LRSAM1: variants seen among roughly 807,000 people sequenced by gnomAD.
LRSAM1 encodes the protein leucine rich repeat and sterile alpha motif containing 1, also known as E3 ubiquitin-protein ligase LRSAM1.
LRSAM1 carries 96 observed loss-of-function variants against 118.1 expected under a neutral mutation model. The ratio of observed to expected loss-of-function variants is 0.81; its 90% CI spans 0.69 to 0.96. LRSAM1 has a LOEUF of 0.96. Among genes scored for constraint, LRSAM1 ranks in the 40% least tolerant of loss-of-function variants. The pLI, the probability that LRSAM1 is intolerant of heterozygous loss-of-function variation, is 0.00. For missense variants in LRSAM1, 804 were observed against 915.5 expected (o/e 0.88, Z 1.57); for synonymous variants, 322 against 364.2 (o/e 0.88, Z 1.32).
At chr9:127,460,858 T>TTTC (rs1834711975) in intron 7 of LRSAM1, among the ~76,000 whole-genome samples, 1 of 127,260 alleles carries the variant, frequency 7.9e-6, no homozygotes, top group Non-Finnish European at 1.6e-5. Context: ...TTTTTTTTTT[T>TTTC]TTTTTTTTTT....
intron 11 of LRSAM1, among the ~76,000 whole-genome samples, chr9:127,476,831 C>T (rs1377989954): frequency 1.3e-5 from 2 of 152,016 alleles, no homozygotes; most frequent in South Asian, 2.1e-4. Flanking sequence ...CCTGCCACCA[C>T]GCCTGGCTAA....
At chr9:127,480,339 G>C (rs541963437) in intron 14 of LRSAM1, among the ~76,000 whole-genome samples, 1 of 152,326 alleles carries the variant, frequency 6.6e-6, no homozygotes, top group South Asian at 2.1e-4. Context: ...ACTGAGGTCA[G>C]CTGTTCACCT....
In LRSAM1 at chr9:127,458,367, C is replaced by T. The variant is rs551417285; in HGVS notation, c.253-636C>T. 1.9e-3 allele frequency among the ~76,000 whole-genome samples: 281 copies of T among 147,438 alleles called. 1 individual carries two copies. Among genetic ancestry groups the T allele is most frequent in the Admixed American group, 4.6e-3 (67 of 14,650 alleles). ...ACTGCAGTCCGCAGTCCGGCGTGGGCGACAGAGCGAGACTTCGTCTCAAAA... is the reference window on the plus strand; with the variant it reads ...ACTGCAGTCCGCAGTCCGGCGTGGGTGACAGAGCGAGACTTCGTCTCAAAA... On this transcript the variant is annotated intron_variant, in intron 6 of 25. Transcript: ENST00000300417.
chr9:127,484,968 C>T (rs760713185), intron 16 of LRSAM1, among the ~76,000 whole-genome samples: 2 of 151,878 alleles, frequency 1.3e-5, no homozygotes, highest in African/African-American at 2.4e-5. Flanking sequence ...CCACCATGCC[C>T]GGCTAATTTT....
At chr9:127,458,803 T>C (rs1344214927) in intron 6 of LRSAM1, among the ~76,000 whole-genome samples, 200 bp from the exon 7 acceptor site, 3 of 152,092 alleles carry the variant, frequency 2.0e-5, no homozygotes, top group Non-Finnish European at 4.4e-5. Flanking sequence ...AAAATAAATA[T>C]ACATAAAATA....
chr9:127,469,193 C>T (rs528381613), intron 10 of LRSAM1, among the ~76,000 whole-genome samples: 15 of 151,780 alleles, frequency 9.9e-5, no homozygotes, highest in Admixed American at 9.8e-4. Context: ...AGAGAATATC[C>T]ACACGGTGGC....
chr9:127,474,078 G>A lies in LRSAM1; in HGVS notation c.750+147G>A, dbSNP rs1338461212. ...ATAGAACTAGAACTGGCCTCCTGACGAGTTGAACTGCTTTTTCAAGGCCTG... is the reference window on the plus strand; with the variant it reads ...ATAGAACTAGAACTGGCCTCCTGACAAGTTGAACTGCTTTTTCAAGGCCTG... On this transcript the variant is annotated intron_variant, in intron 11 of 25. Transcript: ENST00000300417. The A allele has an allele frequency of 1.2e-5, 16 of 1,331,382 alleles. No homozygotes were observed. The Admixed American group carries it at 1.4e-4, about 12-fold the overall frequency. 82.5% of individuals were successfully genotyped at this position (1,331,382 alleles called of 1,614,324 possible). A position where few individuals can be genotyped will look rare whatever the true frequency, so the allele number is the denominator to read the frequency against.
rs759109966 is a variant in LRSAM1 at position 127,485,795 on chromosome 9, G to T, written c.1219G>T (p.Glu407Ter). 6.2e-7 allele frequency: 1 copy of T among 1,614,130 alleles called. No individual in the cohort carries two copies. The change falls in exon 17 of 26, where the codon GAA (glutamate) becomes TAA (stop). Residue 407 changes from glutamate (E) to a stop codon, truncating the protein, a stop_gained. Coordinates refer to ENST00000300417, the MANE Select transcript of LRSAM1 (RefSeq NM_001005373.4). LOFTEE classifies it high-confidence loss of function. ...CKNRLIQMAY[E>*]SQRQNLVQQA... ...GAACCGGCTCATCCAGATGGCCTAC[G>T]AATCTCAGAGGCAGAACTTGGTCCA...
At position 127,473,727 on chromosome 9, in the gene LRSAM1, C is replaced by T. The variant is rs1260928655; in HGVS notation, c.620-74C>T. ...GTCAGGGTGGGGCCGGCTGCCCTGGCAGTGGGAGCGGGTGTCTCTGGGTAC... is the reference window on the plus strand; with the variant it reads ...GTCAGGGTGGGGCCGGCTGCCCTGGTAGTGGGAGCGGGTGTCTCTGGGTAC... On this transcript the variant is annotated intron_variant, in intron 10 of 25. Coordinates refer to ENST00000300417, the MANE Select transcript of LRSAM1 (RefSeq NM_001005373.4). The T allele has an allele frequency of 6.2e-6, 10 of 1,607,602 alleles. No homozygotes were observed. In the Admixed American group the frequency reaches 1.3e-4, roughly 21 times the overall value.
chr9:127,475,203 T>C (rs1835309773), intron 11 of LRSAM1, among the ~76,000 whole-genome samples: 1 of 152,042 alleles, frequency 6.6e-6, no homozygotes, highest in Non-Finnish European at 1.5e-5. Flanking sequence ...GAGAAAGAAC[T>C]CTTTCCAATC....
chr9:127,464,648 A>T (rs949793459), intron 9 of LRSAM1, among the ~76,000 whole-genome samples: 1 of 150,476 alleles, frequency 6.6e-6, no homozygotes, highest in African/African-American at 2.4e-5. Flanking sequence ...GGACACTTCA[A>T]TTTTTTTTTC....
At chr9:127,480,083 G>T in intron 14 of LRSAM1, 105 bp downstream of exon 14, 2 of 1,509,398 alleles carry the variant, frequency 1.3e-6, no homozygotes, top group South Asian at 2.3e-5. Context: ...CCCCTGCCCC[G>T]GGCTTCCCTT....
intron 9 of LRSAM1, among the ~76,000 whole-genome samples, chr9:127,463,380 G>T (rs1488551485): frequency 6.6e-6 from 1 of 151,808 alleles, no homozygotes; most frequent in African/African-American, 2.4e-5. Flanking sequence ...GAAGGAGGTA[G>T]GGAGCCGTTG....
chr9:127,458,443 G>A (rs1227980645), intron 6 of LRSAM1, among the ~76,000 whole-genome samples: 2 of 151,896 alleles, frequency 1.3e-5, no homozygotes, highest in Non-Finnish European at 2.9e-5. Context: ...AGCAGAGCAT[G>A]TTGGCTTGTG....
intron 18 of LRSAM1, among the ~76,000 whole-genome samples, chr9:127,488,418 C>T (rs1308137024): frequency 2.6e-5 from 4 of 151,960 alleles, no homozygotes; most frequent in Non-Finnish European, 4.4e-5. Flanking sequence ...CCCACCAACA[C>T]GCCCAACTAA....
chr9:127,473,023 C>T (rs1295537912), intron 10 of LRSAM1, among the ~76,000 whole-genome samples: 1 of 152,214 alleles, frequency 6.6e-6, no homozygotes, highest in Admixed American at 6.5e-5. Context: ...TCCCCCTTCA[C>T]AACCTGCGTA....
intron 24 of LRSAM1, among the ~76,000 whole-genome samples, chr9:127,499,959 T>TA (rs1163575651): frequency 5.9e-5 from 9 of 151,298 alleles, no homozygotes; most frequent in Non-Finnish European, 1.3e-4. Context: ...TTTCCTGTTA[T>TA]AAAAAATAAT....
At chr9:127,458,063 G>T (rs1319301031) in intron 6 of LRSAM1, among the ~76,000 whole-genome samples, 1 of 151,448 alleles carries the variant, frequency 6.6e-6, no homozygotes, top group East Asian at 1.9e-4. Flanking sequence ...TTTCTCCAAG[G>T]CCTTTTTTGT....
chr9:127,473,962 A>G (rs745860051), intron 11 of LRSAM1, 31 bp downstream of exon 11: 8 of 1,612,142 alleles, frequency 5.0e-6, no homozygotes, highest in Admixed American at 1.7e-5. Flanking sequence ...GCACGCATAC[A>G]TGTGTGTGTG....
Sources: allele counts gnomAD v4.1 joint callset (sites outside exome capture counted in the v4.1 genomes callset), GRCh38; gene constraint gnomAD v4.1.1; transcripts MANE v1.5; gene names NCBI Gene and HGNC (gene_info 2026-07-23, HGNC 2026-07-21).